Variants in MAPK8IP3 observed in about 807,000 individuals in gnomAD.
MAPK8IP3 encodes mitogen-activated protein kinase 8 interacting protein 3.
A neutral mutation model predicts 157.8 loss-of-function variants in MAPK8IP3; 49 were observed. That is an observed-to-expected ratio of 0.31 (90% confidence interval 0.25 to 0.39). The LOEUF (loss-of-function observed/expected upper bound fraction) is 0.39. MAPK8IP3 is among the 10% of genes least tolerant of loss of function. The pLI, the probability that MAPK8IP3 is intolerant of heterozygous loss-of-function variation, is 1.00. For missense variants in MAPK8IP3, 1,478 were observed against 1,889.4 expected, an observed-to-expected ratio of 0.78 and a Z score of 4.04; for synonymous variants, 897 against 777.7, an observed-to-expected ratio of 1.15 and a Z score of -2.55.
At chr16:1,744,548 G>A (rs960489697) in intron 5 of MAPK8IP3, 51 of 985,560 alleles carry the variant, frequency 5.2e-5, no homozygotes, top group Middle Eastern at 5.2e-4. Context: ...CGGGCTCCCC[G>A]GGCCTTCTGG....
At chr16:1,768,669 G>A (rs754818268) in intron 31 of MAPK8IP3, 34 bp from the exon 32 acceptor site, 8 of 1,611,112 alleles carry the variant, frequency 5.0e-6, no homozygotes, top group Middle Eastern at 1.7e-4. Context: ...GGCGCGGGGG[G>A]AGCCTGGCCG....
At chr16:1,752,210 G>A (rs1462981401) in intron 8 of MAPK8IP3, 3 of 161,690 alleles carry the variant, frequency 1.9e-5, no homozygotes, top group Admixed American at 6.5e-5. Context: ...GCTTTCCCAC[G>A]AGACCGTGAG....
At chr16:1,738,717 G>A (rs1370332544) in intron 4 of MAPK8IP3, among the ~76,000 whole-genome samples, 6 of 132,182 alleles carry the variant, frequency 4.5e-5, no homozygotes, top group Admixed American at 7.5e-5. Context: ...GTGAGCATCC[G>A]TGTGAGTGTG....
At chr16:1,763,226 C>T (rs1341960513) in intron 16 of MAPK8IP3, among the ~76,000 whole-genome samples, 3 of 152,252 alleles carry the variant, frequency 2.0e-5, no homozygotes, top group African/African-American at 7.2e-5. Flanking sequence ...CAGGATGTCC[C>T]TTGGCAGAGG....
At position 1,741,277 on chromosome 16, in the gene MAPK8IP3, G is replaced by C. The variant is rs920612083; in HGVS notation, c.603-2055G>C. Reference sequence around the variant, plus strand: ...AGCTGCGAGGACAAATCGGGAGGACGGGGTCAGTCGGCAAACGCTCACGAG... The same window carrying C: ...AGCTGCGAGGACAAATCGGGAGGACCGGGTCAGTCGGCAAACGCTCACGAG... On this transcript the variant is annotated intron_variant, in intron 4 of 31. Coordinates refer to ENST00000610761, the MANE Select transcript of MAPK8IP3 (RefSeq NM_001318852.2). The surrounding 1 kb of genome is among the most constrained non-coding windows in gnomAD (Gnocchi z 6.9). Among the ~76,000 whole-genome samples, 1 of 152,162 alleles carries C rather than the reference G, an allele frequency of 6.6e-6. No individual in the cohort carries two copies. Among genetic ancestry groups the C allele is most frequent in the African/African-American group, 2.4e-5 (1 of 41,428 alleles).
chr16:1,768,284 G>A lies in MAPK8IP3; in HGVS notation c.3648G>A (p.Ala1216=), dbSNP rs371463608. The A allele has an allele frequency of 8.1e-6, 13 of 1,611,216 alleles. No individual in the cohort carries two copies. Among genetic ancestry groups the A allele is most frequent in the African/African-American group, 6.7e-5 (5 of 74,934 alleles). ...HVYGDDSSDR[A]ASSFIPYCSM... is the part of the protein sequence containing the mutation. ...ATGGCGATGACAGCAGTGACAGGGC[G>A]GCCAGCAGCTTCATCCCCTACTGCT... The change falls in exon 30 of 32, where the codon GCG becomes GCA. Residue 1216 remains alanine, a synonymous_variant. Transcript: ENST00000610761.
At chr16:1,757,238 G>A (rs1396074831) in intron 8 of MAPK8IP3, among the ~76,000 whole-genome samples, 1 of 152,090 alleles carries the variant, frequency 6.6e-6, no homozygotes, top group Non-Finnish European at 1.5e-5. Flanking sequence ...CCGAGTAGCT[G>A]GGACTACAGG....
intron 1 of MAPK8IP3, among the ~76,000 whole-genome samples, chr16:1,723,066 C>G (rs1162009338): frequency 6.6e-6 from 1 of 151,846 alleles, no homozygotes; most frequent in Non-Finnish European, 1.5e-5. Context: ...GAGTCTTGCT[C>G]TGTCTCCCAG....
At chr16:1,715,821 C>T (rs1567137944) in intron 1 of MAPK8IP3, among the ~76,000 whole-genome samples, 3 of 151,808 alleles carry the variant, frequency 2.0e-5, no homozygotes, top group Admixed American at 1.3e-4. Context: ...CTCTGCCTCC[C>T]GGGTTCAAGC....
At chr16:1,756,608 C>T (rs942584944) in intron 8 of MAPK8IP3, among the ~76,000 whole-genome samples, 1 of 147,750 alleles carries the variant, frequency 6.8e-6, no homozygotes, top group East Asian at 2.0e-4. Context: ...CATAGTGAGA[C>T]CTCATTTTTA....
At chr16:1,707,323 C>T (rs533362348) in intron 1 of MAPK8IP3, 1 of 152,360 alleles carries the variant, frequency 6.6e-6, no homozygotes, top group Non-Finnish European at 1.5e-5. Flanking sequence ...CGGGCTGCTC[C>T]TCTGTCAGCA....
intron 1 of MAPK8IP3, among the ~76,000 whole-genome samples, chr16:1,707,051 C>T (rs542089120): frequency 1.3e-5 from 2 of 151,882 alleles, no homozygotes; most frequent in South Asian, 4.2e-4. Context: ...CCTCACTCTC[C>T]CCTCCCCACC....
rs745353017 is a variant in MAPK8IP3, at chr16:1,766,104, C to T, written c.2591C>T (p.Ser864Phe). 16 of 1,612,522 alleles carry T rather than the reference C, an allele frequency of 9.9e-6. No homozygotes were observed. In the African/African-American group the frequency reaches 1.2e-4, roughly 12 times the overall value. Residue 864 changes from serine to phenylalanine, a missense_variant, in exon 21 of 32, where the codon TCC becomes TTC. Physicochemically the swap from Ser to Phe is radical, Grantham distance 155. This residue lies in a region of MAPK8IP3 where 669 missense variants were observed against 759.8 expected (regional missense o/e 0.88). Coordinates refer to ENST00000610761, the MANE Select transcript of MAPK8IP3 (RefSeq NM_001318852.2). Reference protein sequence around the residue: ...TRCNVPRSNCSSRGDTPVLDK... With the variant: ...TRCNVPRSNCFSRGDTPVLDK... ...TGCAACGTGCCGCGGAGCAACTGCT[C>T]CTCCCGAGGGGACACCCCAGTGCTA...
At chr16:1,740,415 C>T (rs920950401) in intron 4 of MAPK8IP3, among the ~76,000 whole-genome samples, 1 of 151,472 alleles carries the variant, frequency 6.6e-6, no homozygotes, top group African/African-American at 2.4e-5. Context: ...AGCGTGTGCA[C>T]ACGCTGCTGC....
chr16:1,768,826 G>C lies in MAPK8IP3; in HGVS notation c.*2G>C, dbSNP rs1025579893. 5.0e-6 allele frequency: 8 copies of C among 1,611,844 alleles called. No individual in the cohort carries two copies. The highest frequency in any genetic ancestry group is 1.7e-5 in the Admixed American group (1 of 59,980). ...CAGGTGTCCTACACCCCCGAGTGAAGCTGCTGCCCTGCCTGGCCCGACCTG... is the reference window on the plus strand; with the variant it reads ...CAGGTGTCCTACACCCCCGAGTGAACCTGCTGCCCTGCCTGGCCCGACCTG... On this transcript the variant is annotated 3_prime_UTR_variant, in exon 32 of 32. Transcript: ENST00000610761.
chr16:1,734,868 G>A (rs760066648), intron 4 of MAPK8IP3: 15 of 154,260 alleles, frequency 9.7e-5, no homozygotes, highest in African/African-American at 1.2e-4. Context: ...CACGCCTGGC[G>A]TGGCTTAGTG....
At chr16:1,708,417 G>A (rs146515278) in intron 1 of MAPK8IP3, among the ~76,000 whole-genome samples, 28 of 152,378 alleles carry the variant, frequency 1.8e-4, no homozygotes, top group African/African-American at 6.7e-4. Context: ...TGGATTTCAG[G>A]TGGGTTTCTT....
chr16:1,757,755 G>A (rs973030087), intron 8 of MAPK8IP3, among the ~76,000 whole-genome samples: 3 of 152,156 alleles, frequency 2.0e-5, no homozygotes, highest in African/African-American at 7.2e-5. Context: ...TCTCTCCCTC[G>A]CCCACGCTGG....
rs141819954 is a variant in MAPK8IP3, at chr16:1,714,230, C to T, written c.318+7573C>T. 831 of 151,970 alleles carry T rather than the reference C, an allele frequency of 5.5e-3. 5 individuals are homozygous for T. The highest frequency in any genetic ancestry group is 0.023 in the South Asian group (112 of 4,824). 9.4% of individuals were successfully genotyped at this position (151,970 alleles called of 1,614,324 possible). ...GCGGCTTGTTTTTACGTAACCTTCA[C>T]GCATGAGCGGTTTGTAAGCCCGCTC... On this transcript the variant is annotated intron_variant, in intron 1 of 31. Coordinates refer to ENST00000610761, the MANE Select transcript of MAPK8IP3 (RefSeq NM_001318852.2).
Sources: gnomAD v4.1 joint callset for allele counts (sites outside exome capture counted in the v4.1 genomes callset) on GRCh38, gnomAD v4.1.1 for gene constraint, gnomAD v4.1.1 regional missense constraint, Gnocchi (gnomAD v3.1) non-coding constraint, MANE v1.5 for transcripts, NCBI Gene and HGNC (gene_info 2026-07-23, HGNC 2026-07-21) for gene names.